PARD3: variants seen among roughly 807,000 people sequenced by gnomAD.
PARD3 encodes the protein partitioning defective 3 homolog.
PARD3 carries 75 observed loss-of-function variants against 155.4 expected under a neutral mutation model. That is an observed-to-expected ratio of 0.48 (90% CI 0.40 to 0.58). PARD3 has a LOEUF of 0.58. PARD3 is among the 20% of genes least tolerant of loss of function. The probability of loss-of-function intolerance (pLI) is 0.00; values close to 1 mark genes in which losing one functional copy is unlikely to be tolerated. For synonymous variants in PARD3, 576 were observed against 610.5 expected (o/e 0.94, Z 0.83); for missense variants, 1,642 against 1,721.7 (o/e 0.95, Z 0.82).
At chr10:34,690,978 C>G (rs2477007) in intron 2 of PARD3, among the ~76,000 whole-genome samples, 113,787 of 152,084 alleles carry the variant, frequency 0.75, 44,026 homozygotes, top group African/African-American at 0.94. Flanking sequence ...TTTGGGAGGT[C>G]GAGGCAGGAG....
intron 22 of PARD3, among the ~76,000 whole-genome samples, chr10:34,228,317 G>A (rs915172860): frequency 1.3e-5 from 2 of 152,120 alleles, no homozygotes; most frequent in African/African-American, 4.8e-5. Flanking sequence ...CTACCCGGAT[G>A]CCAAAGTAAT....
intron 3 of PARD3, among the ~76,000 whole-genome samples, chr10:34,503,944 A>G (rs1217524227): frequency 6.6e-6 from 1 of 152,206 alleles, no homozygotes; most frequent in Non-Finnish European, 1.5e-5. Flanking sequence ...TTCATTTCAT[A>G]TCTGGTTAAC....
rs571897800 is a variant in PARD3 at position 34,149,107 on chromosome 10, A to C, written c.3420-17524T>G. Among the ~76,000 whole-genome samples, 41 of 152,292 alleles carry C rather than the reference A, an allele frequency of 2.7e-4. No individual in the cohort carries two copies. The South Asian group carries it at 8.5e-3, about 32-fold the overall frequency. On this transcript the variant is annotated intron_variant, in intron 22 of 24. Coordinates refer to ENST00000374788, the MANE Select transcript of PARD3 (RefSeq NM_001184785.2). ...AAAAGCTGAATCTTATAATTGATTAAAAATGGTGATGGTATGTATTAAAAT... is the reference window on the plus strand; with the variant it reads ...AAAAGCTGAATCTTATAATTGATTACAAATGGTGATGGTATGTATTAAAAT...
intron 22 of PARD3, among the ~76,000 whole-genome samples, chr10:34,184,573 G>A (rs554177088): frequency 2.5e-4 from 38 of 152,188 alleles, no homozygotes; most frequent in African/African-American, 8.2e-4. Flanking sequence ...TGCCCAGAGC[G>A]TTTATTCATG....
chr10:34,440,929 G>A (rs1046674435), intron 5 of PARD3, among the ~76,000 whole-genome samples: 8 of 151,016 alleles, frequency 5.3e-5, no homozygotes, highest in South Asian at 2.1e-4. Context: ...ACACACGCCC[G>A]CCAAAAACAA....
intron 1 of PARD3, among the ~76,000 whole-genome samples, chr10:34,767,317 T>G (rs962969219): frequency 6.6e-6 from 1 of 151,186 alleles, no homozygotes; most frequent in African/African-American, 2.4e-5. Context: ...ACAGGTGGAG[T>G]GCCACCTGAT....
intron 22 of PARD3, among the ~76,000 whole-genome samples, chr10:34,201,822 C>T (rs903596127): frequency 6.6e-6 from 1 of 152,194 alleles, no homozygotes; most frequent in African/African-American, 2.4e-5. Flanking sequence ...CGTTCTGTTT[C>T]GCAAACATTC....
At chr10:34,464,267 C>T (rs909454655) in intron 4 of PARD3, among the ~76,000 whole-genome samples, 1 of 151,930 alleles carries the variant, frequency 6.6e-6, no homozygotes. Flanking sequence ...TGATGCACAC[C>T]CATGTAGAAC....
intron 1 of PARD3, among the ~76,000 whole-genome samples, chr10:34,751,047 T>C (rs1294302357): frequency 1.3e-5 from 2 of 152,060 alleles, no homozygotes; most frequent in Non-Finnish European, 2.9e-5. Flanking sequence ...GTGGGAGGCA[T>C]AGAGATCAGT....
chr10:34,574,787 G>A (rs766056943), intron 2 of PARD3, among the ~76,000 whole-genome samples: 2 of 152,188 alleles, frequency 1.3e-5, no homozygotes, highest in Non-Finnish European at 2.9e-5. Flanking sequence ...ACAATCATAA[G>A]CCTGGAGGTC....
At position 34,637,807 on chromosome 10, in the gene PARD3, C is replaced by T. The variant is rs186012648; in HGVS notation, c.222+58511G>A. Among the ~76,000 whole-genome samples the T allele has an allele frequency of 4.6e-5, 7 of 152,294 alleles. No homozygotes were observed. In the East Asian group the frequency reaches 1.4e-3, roughly 29 times the overall value. On this transcript the variant is annotated intron_variant, in intron 2 of 24. Coordinates refer to ENST00000374788, the MANE Select transcript of PARD3 (RefSeq NM_001184785.2). ...AAGAGAAACAAAAACAGAAGTGAACCTAAGAGAAAAACCAAGTGATCTCTT... is the reference window on the plus strand; with the variant it reads ...AAGAGAAACAAAAACAGAAGTGAACTTAAGAGAAAAACCAAGTGATCTCTT...
intron 1 of PARD3, among the ~76,000 whole-genome samples, chr10:34,756,475 T>TTTTAA (rs1564585626): frequency 1.2e-5 from 1 of 83,776 alleles, no homozygotes; most frequent in Non-Finnish European, 2.4e-5. Context: ...TTTTTTTTCT[T>TTTTAA]ATAAAAAAAA....
chr10:34,456,680 A>G (rs748316804), intron 4 of PARD3, among the ~76,000 whole-genome samples: 10 of 152,230 alleles, frequency 6.6e-5, no homozygotes, highest in Non-Finnish European at 1.2e-4. Context: ...CAAATTAACT[A>G]TCCAACAAAT....
chr10:34,738,935 C>T (rs2094960597), intron 1 of PARD3, among the ~76,000 whole-genome samples: 2 of 152,068 alleles, frequency 1.3e-5, no homozygotes, highest in Non-Finnish European at 2.9e-5. Context: ...CCAGAACAAG[C>T]ACAAATGGGG....
chr10:34,345,865 G>C lies in PARD3; in HGVS notation c.2218+2100C>G, dbSNP rs74134111. The C allele has an allele frequency of 3.4e-3, 3,389 of 985,042 alleles. 105 individuals are homozygous for C. In the African/African-American group the frequency reaches 0.056, roughly 16 times the overall value. The allele number at this position is 985,042 out of a possible 1,614,324, so 61.0% of individuals were successfully genotyped here. ...TTACGGCCAAAGATACTAGAATAAG[G>C]ACTGACAAAAAGTGAGGAATTTTCA... On this transcript the variant is annotated intron_variant, in intron 15 of 24. Transcript: ENST00000374788.
At chr10:34,644,666 A>G (rs1590379287) in intron 2 of PARD3, among the ~76,000 whole-genome samples, 1 of 152,220 alleles carries the variant, frequency 6.6e-6, no homozygotes, top group African/African-American at 2.4e-5. Context: ...CTTACGGGGT[A>G]TAACAACTAT....
chr10:34,635,225 T>G (rs1168090733), intron 2 of PARD3, among the ~76,000 whole-genome samples: 1 of 152,270 alleles, frequency 6.6e-6, no homozygotes, highest in Admixed American at 6.5e-5. Context: ...CAGCCCACCA[T>G]GTTGCCGGTC....
At chr10:34,724,298 G>C (rs1261254892) in intron 1 of PARD3, among the ~76,000 whole-genome samples, 1 of 151,998 alleles carries the variant, frequency 6.6e-6, no homozygotes, top group Non-Finnish European at 1.5e-5. Context: ...AACTAAAATA[G>C]CCTTGCAAGT....
chr10:34,268,942 T>C (rs892182155), intron 22 of PARD3, among the ~76,000 whole-genome samples: 1 of 151,028 alleles, frequency 6.6e-6, no homozygotes, highest in Non-Finnish European at 1.5e-5. Flanking sequence ...AATAAATAAA[T>C]AAAATAAGAT....
Sources: allele counts gnomAD v4.1 joint callset (sites outside exome capture counted in the v4.1 genomes callset), GRCh38; gene constraint gnomAD v4.1.1; transcripts MANE v1.5; gene names NCBI Gene and HGNC (gene_info 2026-07-23, HGNC 2026-07-21).